The following TEX2 variants were observed in gnomAD, a reference collection of about 807,000 sequenced individuals.
The protein encoded by TEX2 is testis expressed 2.
A neutral mutation model predicts 106.9 loss-of-function variants in TEX2; 53 were observed. The ratio of observed to expected loss-of-function variants is 0.50; its 90% CI spans 0.40 to 0.62. The LOEUF (loss-of-function observed/expected upper bound fraction) is 0.62. TEX2 is among the 20% of genes least tolerant of loss of function. The pLI, the probability that TEX2 is intolerant of heterozygous loss-of-function variation, is 0.00. For synonymous variants in TEX2, 523 were observed against 534.8 expected (o/e 0.98, Z 0.30); for missense variants, 1,207 against 1,379.0 (o/e 0.88, Z 1.98).
intron 1 of TEX2, among the ~76,000 whole-genome samples, chr17:64,236,933 C>T (rs532824926): frequency 6.6e-6 from 1 of 152,228 alleles, no homozygotes; most frequent in African/African-American, 2.4e-5. Flanking sequence ...ATTGAATATT[C>T]CGGACTTACT....
intron 7 of TEX2, among the ~76,000 whole-genome samples, chr17:64,166,981 T>C (rs1420662452): frequency 6.6e-6 from 1 of 152,140 alleles, no homozygotes; most frequent in Non-Finnish European, 1.5e-5. Context: ...ATCCCACAGG[T>C]AGAGCAGCTA....
intron 7 of TEX2, among the ~76,000 whole-genome samples, chr17:64,168,047 T>C (rs901485735): frequency 9.2e-5 from 14 of 151,926 alleles, no homozygotes; most frequent in Admixed American, 2.6e-4. Flanking sequence ...AGCCAGGAAA[T>C]ATTTTTAAAA....
At chr17:64,209,511 A>G (rs2032933672) in intron 2 of TEX2, among the ~76,000 whole-genome samples, 1 of 152,382 alleles carries the variant, frequency 6.6e-6, no homozygotes, top group Middle Eastern at 3.4e-3. Flanking sequence ...CCAAACAGCA[A>G]TAAGGAAGAA....
chr17:64,172,781 T>C (rs1396628731), intron 6 of TEX2, among the ~76,000 whole-genome samples: 1 of 152,200 alleles, frequency 6.6e-6, no homozygotes, highest in Non-Finnish European at 1.5e-5. Flanking sequence ...CAGAGTTACT[T>C]ATCTGAGTGT....
rs560521148 is a variant in TEX2 at position 64,176,629 on chromosome 17, T to C, written c.2571+696A>G. Among the ~76,000 whole-genome samples the C allele has an allele frequency of 2.8e-4, 42 of 152,322 alleles. 1 individual carries two copies. Among genetic ancestry groups the C allele is most frequent in the African/African-American group, 1.0e-3 (42 of 41,576 alleles). The stretch of plus-strand genomic sequence containing the variant: ...GTCTCCTGGTTGGCAAATGAGTCTT[T>C]TAATGACAGCCATACTTACACAGTT... On this transcript the variant is annotated intron_variant, in intron 6 of 11. Transcript: ENST00000584379.
chr17:64,249,900 C>T (rs1555636750), intron 1 of TEX2, among the ~76,000 whole-genome samples: 2 of 152,168 alleles, frequency 1.3e-5, no homozygotes, highest in African/African-American at 4.8e-5. Flanking sequence ...AATTAATGTT[C>T]CTGCTTCACT....
In TEX2 at chr17:64,213,429, T is replaced by A; in HGVS notation, c.789A>T (p.Ala263=). The A allele has an allele frequency of 6.2e-7, 1 of 1,614,090 alleles. No homozygotes were observed. Among genetic ancestry groups the A allele is most frequent in the Non-Finnish European group, 8.5e-7 (1 of 1,180,020 alleles). ...PRNTGGDSKT[A]PSSPLTSPSD... ...AGGGAGAAGTCAGTGGGGAAGAAGGTGCAGTTTTGGAATCTCCACCTGTGT... is the reference window on the plus strand; with the variant it reads ...AGGGAGAAGTCAGTGGGGAAGAAGGAGCAGTTTTGGAATCTCCACCTGTGT... Residue 263 remains alanine, a synonymous_variant, in exon 2 of 12, where the codon GCA becomes GCT. Transcript: ENST00000584379. This position sits in a 1 kb window ranked among gnomAD's most constrained non-coding sequence, Gnocchi z 4.4.
intron 1 of TEX2, among the ~76,000 whole-genome samples, chr17:64,222,518 CAAA>C (rs11296538): frequency 1.5e-4 from 15 of 99,108 alleles, no homozygotes; most frequent in Non-Finnish European, 2.5e-4. Flanking sequence ...TTCCAACTCA[CAAA>C]AAAAAAAAAA....
At chr17:64,182,626 C>T (rs149052090) in intron 5 of TEX2, among the ~76,000 whole-genome samples, 1 of 152,086 alleles carries the variant, frequency 6.6e-6, no homozygotes, top group Non-Finnish European at 1.5e-5. Flanking sequence ...TATTCCTCCC[C>T]AACTCCTCCC....
chr17:64,175,286 G>A (rs530948973), intron 6 of TEX2, among the ~76,000 whole-genome samples: 1 of 152,300 alleles, frequency 6.6e-6, no homozygotes, highest in Admixed American at 6.5e-5. Context: ...GGCGGGTGGA[G>A]GGTATGGATG....
At chr17:64,170,070 G>A (rs2143723262) in intron 7 of TEX2, among the ~76,000 whole-genome samples, 1 of 152,172 alleles carries the variant, frequency 6.6e-6, no homozygotes, top group Admixed American at 6.5e-5. Flanking sequence ...TGTGACATAA[G>A]AGATACAAAT....
chr17:64,213,510 C>T lies in TEX2; in HGVS notation c.708G>A (p.Lys236=), dbSNP rs1555632067. 1.2e-6 allele frequency: 2 copies of T among 1,614,090 alleles called. No individual in the cohort carries two copies. The highest frequency in any genetic ancestry group is 2.2e-5 in the East Asian group (1 of 44,882). ...SRQESDTVSY[K]PPDSKLNLHL... Reference sequence around the variant, plus strand: ...GTAAGTTCAGTTTGGAATCAGGTGGCTTATAGGACACTGTATCCGACTCCT... The same window carrying T: ...GTAAGTTCAGTTTGGAATCAGGTGGTTTATAGGACACTGTATCCGACTCCT... Residue 236 remains lysine, a synonymous_variant, in exon 2 of 12, where the codon AAG becomes AAA. Coordinates refer to ENST00000584379, the MANE Select transcript of TEX2 (RefSeq NM_001288732.2). This position sits in a 1 kb window ranked among gnomAD's most constrained non-coding sequence, Gnocchi z 4.4.
intron 1 of TEX2, among the ~76,000 whole-genome samples, chr17:64,222,927 C>T (rs1367502112): frequency 1.3e-5 from 2 of 152,180 alleles, no homozygotes; most frequent in African/African-American, 4.8e-5. Flanking sequence ...TCAAACTCTT[C>T]TGCTGATGGG....
intron 1 of TEX2, among the ~76,000 whole-genome samples, chr17:64,234,336 A>G (rs1240277860): frequency 6.6e-6 from 1 of 152,242 alleles, no homozygotes; most frequent in Non-Finnish European, 1.5e-5. Context: ...TCACAGGTCC[A>G]ATATCTGCCT....
chr17:64,223,568 T>G (rs2033421103), intron 1 of TEX2, among the ~76,000 whole-genome samples: 1 of 152,024 alleles, frequency 6.6e-6, no homozygotes, highest in Non-Finnish European at 1.5e-5. Flanking sequence ...GAATATTATT[T>G]ACTTCTAATT....
intron 2 of TEX2, among the ~76,000 whole-genome samples, chr17:64,198,742 G>A (rs571221036): frequency 6.9e-6 from 1 of 145,144 alleles, no homozygotes; most frequent in Non-Finnish European, 1.6e-5. Context: ...ACATTACTGC[G>A]ACAAATCACC....
At position 64,158,139 on chromosome 17, in the gene TEX2, C is replaced by T. The variant is rs1342493948; in HGVS notation, c.2804+2662G>A. On this transcript the variant is annotated intron_variant, in intron 8 of 11. Transcript: ENST00000584379. Reference sequence around the variant, plus strand: ...TAAAGGAAAAATGCCCATGAAAATACAGCAGACACATATTTCAAAGGGAAG... The same window carrying T: ...TAAAGGAAAAATGCCCATGAAAATATAGCAGACACATATTTCAAAGGGAAG... Among the ~76,000 whole-genome samples the T allele has an allele frequency of 2.6e-5, 4 of 152,348 alleles. No individual in the cohort carries two copies. The East Asian group carries it at 7.7e-4, about 29-fold the overall frequency.
At chr17:64,262,123 A>G (rs1555638640) in intron 1 of TEX2, among the ~76,000 whole-genome samples, 1 of 152,234 alleles carries the variant, frequency 6.6e-6, no homozygotes, top group East Asian at 1.9e-4. Context: ...CTTTTAATGC[A>G]TGTGCAGAGC....
intron 1 of TEX2, among the ~76,000 whole-genome samples, chr17:64,244,835 T>G (rs1555636140): frequency 6.6e-6 from 1 of 152,192 alleles, no homozygotes; most frequent in African/African-American, 2.4e-5. Flanking sequence ...TGATACAAAT[T>G]ACATGAACTC....
Sources: gnomAD v4.1 joint callset for allele counts (sites outside exome capture counted in the v4.1 genomes callset) on GRCh38, gnomAD v4.1.1 for gene constraint, Gnocchi (gnomAD v3.1) non-coding constraint, MANE v1.5 for transcripts, NCBI Gene and HGNC (gene_info 2026-07-23, HGNC 2026-07-21) for gene names.